Variants in PLEKHA6 observed in about 807,000 individuals in gnomAD.
The protein encoded by PLEKHA6 is pleckstrin homology domain-containing family A member 6.
PLEKHA6 carries 60 observed loss-of-function variants against 116.7 expected under a neutral mutation model. The observed-to-expected ratio is 0.51, with a 90% confidence interval of 0.42 to 0.64. The LOEUF is 0.64. Among genes scored for constraint, PLEKHA6 ranks in the 30% least tolerant of loss-of-function variants. The probability of loss-of-function intolerance (pLI) is 0.00; values close to 1 mark genes in which losing one functional copy is unlikely to be tolerated. For missense variants in PLEKHA6, 1,338 were observed against 1,422.7 expected (o/e 0.94, Z 0.96); for synonymous variants, 489 against 556.1 (o/e 0.88, Z 1.70).
At chr1:204,339,958 A>G (rs1672786570) in intron 1 of PLEKHA6, among the ~76,000 whole-genome samples, 1 of 152,244 alleles carries the variant, frequency 6.6e-6, no homozygotes, top group South Asian at 2.1e-4. Flanking sequence ...TATATAAACT[A>G]TATTAACAAA....
chr1:204,314,567 C>T (rs114177580), intron 1 of PLEKHA6, among the ~76,000 whole-genome samples: 2,518 of 152,286 alleles, frequency 0.017, 64 homozygotes, highest in African/African-American at 0.054. Context: ...AGACAGACAC[C>T]TGCTGCCTCT....
intron 1 of PLEKHA6, chr1:204,346,728 G>T (rs927640442): frequency 6.3e-6 from 5 of 795,100 alleles, no homozygotes; most frequent in African/African-American, 1.7e-5. Flanking sequence ...CTGAGAAAAA[G>T]AATTCAGCGA....
chr1:204,303,940 C>G (rs1445585592), intron 1 of PLEKHA6, among the ~76,000 whole-genome samples: 5 of 152,152 alleles, frequency 3.3e-5, no homozygotes, highest in African/African-American at 1.2e-4. Context: ...GTCTTGAACT[C>G]CTGAGCTCAA....
chr1:204,228,594 G>C lies in PLEKHA6; in HGVS notation c.2885+134C>G. ...TTGCCTCTGCCGGTAGCTGGGCCCT[G>C]TCTGCTGCCTGGAGTCACCACCTCG... On this transcript the variant is annotated intron_variant, in intron 20 of 22. Transcript: ENST00000272203. The surrounding 1 kb of genome is among the most constrained non-coding windows in gnomAD (Gnocchi z 4.0). 1.3e-6 allele frequency: 1 copy of C among 797,374 alleles called. No individual in the cohort carries two copies. The allele number at this position is 797,374 out of a possible 1,614,324, so 49.4% of individuals were successfully genotyped here.
intron 1 of PLEKHA6, among the ~76,000 whole-genome samples, chr1:204,291,978 C>T (rs1669813547): frequency 6.6e-6 from 1 of 152,128 alleles, no homozygotes. Flanking sequence ...TATTATTGGG[C>T]ACACCCATTC....
chr1:204,266,939 G>C (rs898172499), intron 5 of PLEKHA6, among the ~76,000 whole-genome samples: 7 of 152,164 alleles, frequency 4.6e-5, no homozygotes, highest in Non-Finnish European at 1.0e-4. Flanking sequence ...CAGCAGAGAA[G>C]GTGAAGCCAG....
intron 4 of PLEKHA6, among the ~76,000 whole-genome samples, 198 bp from the exon 5 acceptor site, chr1:204,267,745 A>G (rs1349283641): frequency 6.6e-6 from 1 of 152,170 alleles, no homozygotes; most frequent in Non-Finnish European, 1.5e-5. Flanking sequence ...GTGACCTTCC[A>G]GTTCTGTCAT....
At position 204,284,569 on chromosome 1, in the gene PLEKHA6, C is replaced by G. The variant is rs561898018; in HGVS notation, c.-94-9760G>C. On this transcript the variant is annotated intron_variant, in intron 1 of 22. Transcript: ENST00000272203. ...GAACAAGGGCCACCCAAGGAACCAG[C>G]CAGAAAATGACTGTGCCTAGGAGAG... is the stretch of plus-strand genomic sequence containing the variant. 3.9e-5 allele frequency among the ~76,000 whole-genome samples: 6 copies of G among 152,092 alleles called. No individual in the cohort carries two copies. In the East Asian group the frequency reaches 1.2e-3, roughly 29 times the overall value.
intron 1 of PLEKHA6, among the ~76,000 whole-genome samples, chr1:204,308,150 C>T (rs1401937188): frequency 6.6e-6 from 1 of 152,168 alleles, no homozygotes; most frequent in Non-Finnish European, 1.5e-5. Flanking sequence ...GTAACAAATG[C>T]CTCATTTTGC....
In PLEKHA6 at chr1:204,250,563, T is replaced by G. The variant is rs1432466001; in HGVS notation, c.1576A>C (p.Asn526His). Residue 526 changes from asparagine to histidine, a missense_variant, in exon 10 of 23, where the codon AAC becomes CAC. By Grantham distance (68) the Asn-to-His change is moderately conservative. This residue lies in a region of PLEKHA6 where 1,136 missense variants were observed against 1,163.6 expected (regional missense o/e 0.98). Coordinates refer to ENST00000272203, the MANE Select transcript of PLEKHA6 (RefSeq NM_014935.5). ...GCTCTTACATCTGTGTCTTGCTCGT[T>G]TAACTTGTAGGTGTGGAGGCTGTCC... is the stretch of plus-strand genomic sequence containing the variant. The part of the protein sequence containing the change: ...FRDSLHTYKL[N>H]EQDTDKLLGK... 6 of 1,612,748 alleles carry G rather than the reference T, an allele frequency of 3.7e-6. No individual in the cohort carries two copies. Among genetic ancestry groups the G allele is most frequent in the Non-Finnish European group, 5.1e-6 (6 of 1,179,424 alleles).
rs774498558 is a variant in PLEKHA6 at position 204,228,869 on chromosome 1, G to C, written c.2752-8C>G. ...TTTGTCTGGAGTGGAGAGCTATGGAGGGGCTGGGGTCACCACCTCTGTCCC... is the reference window on the plus strand; with the variant it reads ...TTTGTCTGGAGTGGAGAGCTATGGACGGGCTGGGGTCACCACCTCTGTCCC... On this transcript the variant is annotated splice_region_variant and splice_polypyrimidine_tract_variant and intron_variant, in intron 19 of 22. Coordinates refer to ENST00000272203, the MANE Select transcript of PLEKHA6 (RefSeq NM_014935.5). The surrounding 1 kb of genome is among the most constrained non-coding windows in gnomAD (Gnocchi z 4.0). 1.2e-6 allele frequency: 2 copies of C among 1,614,096 alleles called. No individual in the cohort carries two copies. Among genetic ancestry groups the C allele is most frequent in the East Asian group, 2.2e-5 (1 of 44,876 alleles).
chr1:204,301,286 T>A (rs1262812716), intron 1 of PLEKHA6: 1 of 974,600 alleles, frequency 1.0e-6, no homozygotes, highest in Non-Finnish European at 1.2e-6. Context: ...ACTTGCCTCA[T>A]CACCAGTCTG....
chr1:204,322,461 G>A (rs1193063261), intron 1 of PLEKHA6, among the ~76,000 whole-genome samples: 3 of 152,192 alleles, frequency 2.0e-5, no homozygotes, highest in Non-Finnish European at 4.4e-5. Flanking sequence ...CCAGCTCCCT[G>A]GCGTGACTTG....
Position 204,259,586 on chromosome 1 carries a change from C to G in PLEKHA6, c.679G>C (p.Glu227Gln). 6.2e-7 allele frequency: 1 copy of G among 1,614,128 alleles called. No individual in the cohort carries two copies. Among genetic ancestry groups the G allele is most frequent in the South Asian group, 1.1e-5 (1 of 91,090 alleles). ...EKAERRPERPEVKKEPPVKAN... is the reference protein window; with the variant it reads ...EKAERRPERPQVKKEPPVKAN... ...TTCACCGGAGGCTCTTTCTTGACTT[C>G]TGGCCTCTCAGGCCTTCTCTCTGCC... Residue 227 changes from glutamate to glutamine, a missense_variant, in exon 8 of 23, where the codon GAA (glutamate) becomes CAA (glutamine). By Grantham distance (29) the Glu-to-Gln change is conservative. Coordinates refer to ENST00000272203, the MANE Select transcript of PLEKHA6 (RefSeq NM_014935.5). The surrounding 1 kb of genome is among the most constrained non-coding windows in gnomAD (Gnocchi z 4.6).
At chr1:204,356,023 C>G (rs1673406583) in intron 1 of PLEKHA6, among the ~76,000 whole-genome samples, 1 of 151,844 alleles carries the variant, frequency 6.6e-6, no homozygotes, top group South Asian at 2.1e-4. Flanking sequence ...TTCTCAGACA[C>G]AGCTGCGAGG....
In PLEKHA6 at chr1:204,273,610, T is replaced by G; in HGVS notation, c.102+16A>C. On this transcript the variant is annotated intron_variant, in intron 3 of 22. Coordinates refer to ENST00000272203, the MANE Select transcript of PLEKHA6 (RefSeq NM_014935.5). ...ACGTTTCCAGCCCAACAGCTTGCCT[T>G]GAGGGCTGGACTTACCCGGACGCTG... 6.4e-7 allele frequency: 1 copy of G among 1,570,240 alleles called. No individual in the cohort carries two copies. The highest frequency in any genetic ancestry group is 8.8e-7 in the Non-Finnish European group (1 of 1,139,958).
chr1:204,253,833 CA>C lies in PLEKHA6; in HGVS notation c.1525-3220del, dbSNP rs5780222. On this transcript the variant is annotated intron_variant, in intron 9 of 22. Coordinates refer to ENST00000272203, the MANE Select transcript of PLEKHA6 (RefSeq NM_014935.5). ...TAGGCAACAGAGTGAGATCTTGTCT[CA>C]AAAAAAAAAAAAAAAACAAAAACAA... 1.2e-3 allele frequency among the ~76,000 whole-genome samples: 158 copies of C among 131,956 alleles called. 1 individual carries two copies. The highest frequency in any genetic ancestry group is 7.1e-3 in the South Asian group (27 of 3,824). The allele number at this position is 131,956 out of a possible 152,430, so 86.6% of individuals were successfully genotyped here.
chr1:204,301,444 T>G, intron 1 of PLEKHA6: 1 of 985,438 alleles, frequency 1.0e-6, no homozygotes, highest in South Asian at 4.7e-5. Context: ...GGCAATGTGT[T>G]ATTTGGTTGG....
chr1:204,317,552 AC>A, intron 1 of PLEKHA6, among the ~76,000 whole-genome samples: 1 of 152,068 alleles, frequency 6.6e-6, no homozygotes, highest in East Asian at 1.9e-4. Context: ...ATCTCCACCC[AC>A]CTTTGAACAC....
Sources: gnomAD v4.1 joint callset for allele counts (sites outside exome capture counted in the v4.1 genomes callset) on GRCh38, gnomAD v4.1.1 for gene constraint, gnomAD v4.1.1 regional missense constraint, Gnocchi (gnomAD v3.1) non-coding constraint, MANE v1.5 for transcripts, NCBI Gene and HGNC (gene_info 2026-07-23, HGNC 2026-07-21) for gene names.